The following SHISA7 variants were observed in gnomAD, a reference collection of about 807,000 sequenced individuals.
SHISA7 encodes shisa family member 7, also known as protein shisa-7.
SHISA7 carries 6 observed loss-of-function variants against 23.9 expected under a neutral mutation model. That is an observed-to-expected ratio of 0.25 (90% CI 0.14 to 0.50). The LOEUF (loss-of-function observed/expected upper bound fraction) is 0.50, where lower values mean the gene tolerates loss of function less well. SHISA7 is among the 20% of genes least tolerant of loss of function. The probability of loss-of-function intolerance (pLI) is 0.98; values close to 1 mark genes in which losing one functional copy is unlikely to be tolerated. For missense variants in SHISA7, 671 were observed against 801.1 expected (o/e 0.84, Z 1.96); for synonymous variants, 386 against 398.3 (o/e 0.97, Z 0.37).
intron 3 of SHISA7, among the ~76,000 whole-genome samples, chr19:55,435,344 G>GGT (rs879793712): frequency 0.36 from 35,588 of 99,824 alleles, 5,836 homozygotes; most frequent in East Asian, 0.75. Flanking sequence ...GTGTGTGTAT[G>GGT]GTGTGTATGG....
intron 3 of SHISA7, among the ~76,000 whole-genome samples, chr19:55,434,513 G>A (rs1985324847): frequency 7.5e-6 from 1 of 133,164 alleles, no homozygotes; most frequent in Admixed American, 7.6e-5. Context: ...TGTATGTGGT[G>A]TGTGTGTGGT....
intron 3 of SHISA7, among the ~76,000 whole-genome samples, chr19:55,434,967 G>C (rs1330528006): frequency 1.4e-5 from 2 of 138,498 alleles, no homozygotes; most frequent in Non-Finnish European, 3.1e-5. Flanking sequence ...GTGGGTGTGT[G>C]TGGTGTGTGT....
intron 3 of SHISA7, among the ~76,000 whole-genome samples, chr19:55,436,941 G>C (rs777850701): frequency 7.9e-5 from 12 of 152,234 alleles, no homozygotes; most frequent in Non-Finnish European, 1.6e-4. Context: ...AGAAGAAAAA[G>C]TGTTTCCTAG....
chr19:55,433,236 G>A lies in SHISA7; in HGVS notation c.1537C>T (p.Leu513=). The A allele has an allele frequency of 6.6e-7, 1 of 1,524,190 alleles. No homozygotes were observed. 94.4% of individuals were successfully genotyped at this position (1,524,190 alleles called of 1,614,324 possible). A position where few individuals can be genotyped will look rare whatever the true frequency, so the allele number is the denominator to read the frequency against. The change falls in exon 4 of 4, where the codon CTG becomes TTG. Residue 513 remains leucine, a synonymous_variant. Coordinates refer to ENST00000376325, the MANE Select transcript of SHISA7 (RefSeq NM_001145176.2). The surrounding 1 kb of genome is among the most constrained non-coding windows in gnomAD (Gnocchi z 8.4). ...RRPPFQRQGT[L]EQLQFIPGHH... ...CCCGGGATGAACTGCAGCTGCTCCA[G>A]CGTGCCCTGGCGCTGGAAGGGCGGC...
chr19:55,440,300 T>A (rs996136837), intron 2 of SHISA7, among the ~76,000 whole-genome samples: 1 of 152,282 alleles, frequency 6.6e-6, no homozygotes. Flanking sequence ...TGTGCCCTTG[T>A]GTGTAGTTGG....
chr19:55,433,294 G>C lies in SHISA7; in HGVS notation c.1479C>G (p.Asp493Glu). 6.7e-7 allele frequency: 1 copy of C among 1,502,850 alleles called. No individual in the cohort carries two copies. The highest frequency in any genetic ancestry group is 2.7e-5 in the East Asian group (1 of 37,016). 93.1% of individuals were successfully genotyped at this position (1,502,850 alleles called of 1,614,324 possible). A position where few individuals can be genotyped will look rare whatever the true frequency, so the allele number is the denominator to read the frequency against. The change falls in exon 4 of 4, where the codon GAC (aspartate) becomes GAG (glutamate). Residue 493 changes from aspartate to glutamate, a missense_variant. Transcript: ENST00000376325. The surrounding 1 kb of genome is among the most constrained non-coding windows in gnomAD (Gnocchi z 8.4). ...CCAGTGTGCCCCCGCCCCCGCCGGC[G>C]TCGGACATCCAGGCCGGCTGCGGCG... ...HGSPQPAWMS[D>E]AGGGGGTLAR...
rs1482679267 is a variant in SHISA7, at chr19:55,433,556, C to G, written c.1217G>C (p.Arg406Pro). ...CAGCAGGTGCTCCTGCGACACCAGG[C>G]GCGCGCGCGGCAGCGTGAACTCGTA... ...SRYEFTLPRARLVSQEHLLLS... is the reference protein window; with the variant it reads ...SRYEFTLPRAPLVSQEHLLLS... Residue 406 changes from arginine (R) to proline (P), a missense_variant, in exon 4 of 4, where the codon CGC becomes CCC. By Grantham distance (103) the Arg-to-Pro change is moderately radical (BLOSUM62 -2). This residue lies in a region of SHISA7 where 457 missense variants were observed against 488.3 expected (regional missense o/e 0.94). Coordinates refer to ENST00000376325, the MANE Select transcript of SHISA7 (RefSeq NM_001145176.2). This position sits in a 1 kb window ranked among gnomAD's most constrained non-coding sequence, Gnocchi z 8.4. 2.7e-6 allele frequency: 4 copies of G among 1,490,354 alleles called. No individual in the cohort carries two copies. The highest frequency in any genetic ancestry group is 3.6e-6 in the Non-Finnish European group (4 of 1,126,198). 92.3% of individuals were successfully genotyped at this position (1,490,354 alleles called of 1,614,324 possible).
At chr19:55,436,342 A>T (rs1985458708) in intron 3 of SHISA7, among the ~76,000 whole-genome samples, 1 of 150,844 alleles carries the variant, frequency 6.6e-6, no homozygotes, top group Non-Finnish European at 1.5e-5. Flanking sequence ...ATAGTGGCTC[A>T]CGCCTTAATC....
chr19:55,434,523 TTG>T (rs1483072673), intron 3 of SHISA7, among the ~76,000 whole-genome samples: 2 of 99,742 alleles, frequency 2.0e-5, no homozygotes, highest in East Asian at 3.5e-4. Context: ...GTGTGTGTGG[TTG>T]TGTGGTGTGT....
At position 55,437,695 on chromosome 19, in the gene SHISA7, G is replaced by C. The variant is rs1356906261; in HGVS notation, c.886C>G (p.Arg296Gly). ...SLHYSTLSCS[R>G]SFHNLSHLPP... is the part of the protein sequence containing the mutation. ...AGATGCGAGAGGTTGTGGAAGGACCGAGAGCAGGACAGCGTGGAGTAGTGC... is the reference window on the plus strand; with the variant it reads ...AGATGCGAGAGGTTGTGGAAGGACCCAGAGCAGGACAGCGTGGAGTAGTGC... Residue 296 changes from arginine to glycine, a missense_variant, in exon 3 of 4, where the codon CGG becomes GGG. Coordinates refer to ENST00000376325, the MANE Select transcript of SHISA7 (RefSeq NM_001145176.2). 6.4e-7 allele frequency: 1 copy of C among 1,551,412 alleles called. No individual in the cohort carries two copies. Among genetic ancestry groups the C allele is most frequent in the Non-Finnish European group, 8.7e-7 (1 of 1,146,958 alleles).
intron 3 of SHISA7, among the ~76,000 whole-genome samples, chr19:55,434,819 GTA>G (rs1303998068): frequency 3.4e-5 from 3 of 89,018 alleles, no homozygotes; most frequent in Admixed American, 2.6e-4. Context: ...TGCATGGTGT[GTA>G]TGTGTGTGTG....
At chr19:55,440,519 G>T in intron 2 of SHISA7, 92 bp downstream of exon 2, 1 of 1,172,980 alleles carries the variant, frequency 8.5e-7, no homozygotes, top group South Asian at 4.3e-5. Context: ...GGTCCTGGGC[G>T]ATGGGGGTGG....
At position 55,437,495 on chromosome 19, in the gene SHISA7, A is replaced by G. The variant is rs563695136; in HGVS notation, c.976+110T>C. 179 of 1,321,826 alleles carry G rather than the reference A, an allele frequency of 1.4e-4. No homozygotes were observed. In the East Asian group the frequency reaches 4.9e-3, roughly 36 times the overall value. 81.9% of individuals were successfully genotyped at this position (1,321,826 alleles called of 1,614,324 possible). On this transcript the variant is annotated intron_variant, in intron 3 of 3. Transcript: ENST00000376325. Reference sequence around the variant, plus strand: ...GAACGAACTTGGAGTAAAACCTGGGAGAGAAGCTAAACCATTGGAAGGCTC... The same window carrying G: ...GAACGAACTTGGAGTAAAACCTGGGGGAGAAGCTAAACCATTGGAAGGCTC...
rs991051548 is a variant in SHISA7 at position 55,432,144 on chromosome 19, C to T, written c.*1012G>A. ...GACCATCATCTCTGGAGGAGGCCCT[C>T]CACATGGGCGGCTCCCCAGCGATGC... On this transcript the variant is annotated 3_prime_UTR_variant, in exon 4 of 4. Transcript: ENST00000376325. This position sits in a 1 kb window ranked among gnomAD's most constrained non-coding sequence, Gnocchi z 4.6. 6.5e-6 allele frequency: 1 copy of T among 152,848 alleles called. No individual in the cohort carries two copies. The highest frequency in any genetic ancestry group is 1.9e-4 in the East Asian group (1 of 5,182). 9.5% of individuals were successfully genotyped at this position (152,848 alleles called of 1,614,324 possible). A position where few individuals can be genotyped will look rare whatever the true frequency, so the allele number is the denominator to read the frequency against.
chr19:55,438,770 CCATTGGCCA>C (rs1425842076), intron 2 of SHISA7: 1 of 254,694 alleles, frequency 3.9e-6, no homozygotes, highest in African/African-American at 2.3e-5. Flanking sequence ...TCAACCCATG[CCATTGGCCA>C]CATGGGGGAA....
rs1008432014 is a variant in SHISA7 at position 55,432,638 on chromosome 19, T to A, written c.*518A>T. On this transcript the variant is annotated 3_prime_UTR_variant, in exon 4 of 4. Transcript: ENST00000376325. This position sits in a 1 kb window ranked among gnomAD's most constrained non-coding sequence, Gnocchi z 4.6. ...TGCAAAGACACAGGGAGAAAATATC[T>A]TCCCCATGGCGATGATGCCAAAAGA... 1 of 153,012 alleles carries A rather than the reference T, an allele frequency of 6.5e-6. No homozygotes were observed. Among genetic ancestry groups the A allele is most frequent in the African/African-American group, 2.4e-5 (1 of 41,458 alleles). The allele number at this position is 153,012 out of a possible 1,614,324, so 9.5% of individuals were successfully genotyped here.
rs918224158 is a variant in SHISA7, at chr19:55,442,766, A to G, written c.98T>C (p.Leu33Pro). Residue 33 changes from leucine (L) to proline (P), a missense_variant, in exon 1 of 4, where the codon CTG (leucine) becomes CCG (proline). Physicochemically the swap from Leu to Pro is moderately conservative, Grantham distance 98. Transcript: ENST00000376325. ...CCGCAGGTGCGCCAGCAGGGCGGGCAGCGGGCCCGCGGGCTCGGCGCTCGT... is the reference window on the plus strand; with the variant it reads ...CCGCAGGTGCGCCAGCAGGGCGGGCGGCGGGCCCGCGGGCTCGGCGCTCGT... ...NATSAEPAGP[L>P]PALLAHLRRL... 16 of 1,183,090 alleles carry G rather than the reference A, an allele frequency of 1.4e-5. No homozygotes were observed. Among genetic ancestry groups the G allele is most frequent in the Non-Finnish European group, 1.7e-5 (16 of 957,644 alleles). The allele number at this position is 1,183,090 out of a possible 1,614,324, so 73.3% of individuals were successfully genotyped here.
chr19:55,434,061 C>T (rs1273270443), intron 3 of SHISA7, among the ~76,000 whole-genome samples: 1 of 152,160 alleles, frequency 6.6e-6, no homozygotes, highest in African/African-American at 2.4e-5. Context: ...TTTTGGGGAA[C>T]CACTGACCCC....
intron 3 of SHISA7, among the ~76,000 whole-genome samples, chr19:55,435,379 T>C: frequency 8.3e-6 from 1 of 120,914 alleles, no homozygotes; most frequent in Non-Finnish European, 1.6e-5. Flanking sequence ...GTGTGTGGTG[T>C]ATATGTGGTG....
Sources: allele counts gnomAD v4.1 joint callset (sites outside exome capture counted in the v4.1 genomes callset), GRCh38; gene constraint gnomAD v4.1.1; regional missense constraint gnomAD v4.1.1; non-coding constraint Gnocchi (gnomAD v3.1); transcripts MANE v1.5; gene names NCBI Gene and HGNC (gene_info 2026-07-23, HGNC 2026-07-21).